Variants in RSRC1 observed in about 807,000 individuals in gnomAD.
RSRC1 encodes serine/Arginine-related protein 53.
In RSRC1, 39 loss-of-function variants were observed where a neutral mutation model predicts 49.1. The observed-to-expected ratio is 0.79, with a 90% confidence interval of 0.61 to 1.04. RSRC1 has a LOEUF of 1.04. Ranked by LOEUF, RSRC1 falls within the 50% of genes least tolerant of loss-of-function variation. The probability of loss-of-function intolerance (pLI) is 0.00; values close to 1 mark genes in which losing one functional copy is unlikely to be tolerated. For synonymous variants in RSRC1, 143 were observed against 130.8 expected, an observed-to-expected ratio of 1.09 and a Z score of -0.63; for missense variants, 388 against 402.4, an observed-to-expected ratio of 0.96 and a Z score of 0.31.
chr3:158,542,014 G>A (rs951116235), intron 8 of RSRC1, among the ~76,000 whole-genome samples: 1 of 152,050 alleles, frequency 6.6e-6, no homozygotes, highest in East Asian at 1.9e-4. Context: ...TTGCATGATG[G>A]TATAAGAAAT....
chr3:158,251,525 T>C (rs571479202), intron 4 of RSRC1, among the ~76,000 whole-genome samples: 69 of 152,322 alleles, frequency 4.5e-4, no homozygotes, highest in African/African-American at 1.7e-3. Flanking sequence ...ATTATAGAGA[T>C]CTTTGTTTTT....
At chr3:158,439,773 C>G (rs899484514) in intron 6 of RSRC1, among the ~76,000 whole-genome samples, 5 of 152,178 alleles carry the variant, frequency 3.3e-5, no homozygotes, top group Middle Eastern at 3.4e-3. Flanking sequence ...TGTAACAAAC[C>G]TGCACGTTGT....
intron 6 of RSRC1, among the ~76,000 whole-genome samples, chr3:158,393,156 A>G (rs904790671): frequency 6.6e-6 from 1 of 152,160 alleles, no homozygotes; most frequent in African/African-American, 2.4e-5. Flanking sequence ...TCTCTGGGAC[A>G]TAGCTAAATC....
chr3:158,329,983 G>T (rs867717714), intron 5 of RSRC1, among the ~76,000 whole-genome samples: 1 of 152,202 alleles, frequency 6.6e-6, no homozygotes, highest in Non-Finnish European at 1.5e-5. Context: ...CGATCTCAGA[G>T]TGTTGTGCTA....
intron 4 of RSRC1, among the ~76,000 whole-genome samples, chr3:158,261,984 C>T (rs983805887): frequency 3.3e-5 from 5 of 152,222 alleles, no homozygotes; most frequent in African/African-American, 1.2e-4. Context: ...CTGCCCTCTG[C>T]ACCACCCCTA....
chr3:158,242,726 TC>T (rs952878019), intron 4 of RSRC1, among the ~76,000 whole-genome samples: 1 of 151,294 alleles, frequency 6.6e-6, no homozygotes, highest in Non-Finnish European at 1.5e-5. Flanking sequence ...TGTTTTTTTT[TC>T]CCCCCTTTTA....
Position 158,198,039 on chromosome 3 carries a change from A to G in RSRC1, c.321-5033A>G, listed in dbSNP as rs28859725. On this transcript the variant is annotated intron_variant, in intron 3 of 9. Transcript: ENST00000611884. Reference sequence around the variant, plus strand: ...GTGCAGAGCTGAGTTCAATTCCTGGATATGCTTGTTAACTTTCTGTCTCGT... The same window carrying G: ...GTGCAGAGCTGAGTTCAATTCCTGGGTATGCTTGTTAACTTTCTGTCTCGT... Among the ~76,000 whole-genome samples, 663 of 152,004 alleles carry G rather than the reference A, an allele frequency of 4.4e-3. 4 individuals are homozygous for G. Among genetic ancestry groups the G allele is most frequent in the African/African-American group, 0.015 (641 of 41,458 alleles).
rs970759702 is a variant in RSRC1 at position 158,304,420 on chromosome 3, A to G, written c.531+6345A>G. Among the ~76,000 whole-genome samples, 3 of 152,140 alleles carry G rather than the reference A, an allele frequency of 2.0e-5. No individual in the cohort carries two copies. The East Asian group carries it at 5.8e-4, about 29-fold the overall frequency. ...ATGGATCATTATCATACTTTTGGGG[A>G]TTCAGTTAATATACAACATGAGCTA... On this transcript the variant is annotated intron_variant, in intron 5 of 9. Transcript: ENST00000611884.
intron 3 of RSRC1, among the ~76,000 whole-genome samples, chr3:158,143,113 G>A (rs1716854462): frequency 2.0e-5 from 3 of 152,302 alleles, no homozygotes; most frequent in Non-Finnish European, 4.4e-5. Flanking sequence ...CAGAAGAAGA[G>A]TTGTGTGCAT....
chr3:158,209,941 T>A (rs1358974693), intron 4 of RSRC1, among the ~76,000 whole-genome samples: 1 of 152,120 alleles, frequency 6.6e-6, no homozygotes, highest in African/African-American at 2.4e-5. Flanking sequence ...TCCAGTGTCT[T>A]CAGTTTTAGA....
At chr3:158,205,807 C>T (rs942420762) in intron 4 of RSRC1, among the ~76,000 whole-genome samples, 2 of 152,000 alleles carry the variant, frequency 1.3e-5, no homozygotes, top group Admixed American at 1.3e-4. Flanking sequence ...AATACTCTAA[C>T]GATAGCTGAT....
At chr3:158,144,736 T>C (rs1030487230) in intron 3 of RSRC1, among the ~76,000 whole-genome samples, 3 of 152,186 alleles carry the variant, frequency 2.0e-5, no homozygotes, top group Non-Finnish European at 2.9e-5. Context: ...GTTGAACTAG[T>C]TTACAGTCCC....
At chr3:158,335,981 C>G (rs548370926) in intron 5 of RSRC1, among the ~76,000 whole-genome samples, 1 of 152,190 alleles carries the variant, frequency 6.6e-6, no homozygotes, top group Non-Finnish European at 1.5e-5. Context: ...AGCATCCTCT[C>G]AGTCAGGCTG....
At chr3:158,377,145 A>T (rs944846680) in intron 6 of RSRC1, among the ~76,000 whole-genome samples, 3 of 152,034 alleles carry the variant, frequency 2.0e-5, no homozygotes, top group Non-Finnish European at 4.4e-5. Context: ...TTTTCTCTTT[A>T]TGGTTCTCAT....
chr3:158,299,689 A>G (rs1159785634), intron 5 of RSRC1, among the ~76,000 whole-genome samples: 1 of 152,108 alleles, frequency 6.6e-6, no homozygotes, highest in African/African-American at 2.4e-5. Flanking sequence ...CTTTATATTT[A>G]CTTTGTTTGT....
At chr3:158,215,957 A>G (rs1488894999) in intron 4 of RSRC1, among the ~76,000 whole-genome samples, 1 of 151,438 alleles carries the variant, frequency 6.6e-6, no homozygotes, top group Non-Finnish European at 1.5e-5. Flanking sequence ...ATTATTTTTC[A>G]TCTTTGAGCT....
chr3:158,394,848 A>G (rs1373987084), intron 6 of RSRC1, among the ~76,000 whole-genome samples: 2 of 152,166 alleles, frequency 1.3e-5, no homozygotes, highest in African/African-American at 4.8e-5. Flanking sequence ...TTTAAAATTC[A>G]TATGGAACCG....
chr3:158,194,979 G>C (rs1183503737), intron 3 of RSRC1, among the ~76,000 whole-genome samples: 1 of 152,066 alleles, frequency 6.6e-6, no homozygotes, highest in Non-Finnish European at 1.5e-5. Flanking sequence ...TGTCTTTATA[G>C]CAGCATGATT....
rs957740340 is a variant in RSRC1 at position 158,176,051 on chromosome 3, A to G, written c.321-27021A>G. Among the ~76,000 whole-genome samples, 6 of 152,320 alleles carry G rather than the reference A, an allele frequency of 3.9e-5. No individual in the cohort carries two copies. The South Asian group carries it at 8.3e-4, about 21-fold the overall frequency. ...AATCATGAGTGAACGTCCATTCACT[A>G]TTGCTACAAAGAGAATAAAATACCT... On this transcript the variant is annotated intron_variant, in intron 3 of 9. Coordinates refer to ENST00000611884, the MANE Select transcript of RSRC1 (RefSeq NM_001271838.2).
Sources: gnomAD v4.1 joint callset for allele counts (sites outside exome capture counted in the v4.1 genomes callset) on GRCh38, gnomAD v4.1.1 for gene constraint, MANE v1.5 for transcripts, NCBI Gene and HGNC (gene_info 2026-07-23, HGNC 2026-07-21) for gene names.